RAB9A: variants seen among roughly 807,000 people sequenced by gnomAD.
RAB9A encodes ras-related protein Rab-9A.
RAB9A carries 1 observed loss-of-function variant against 10.3 expected under a neutral mutation model. The ratio of observed to expected loss-of-function variants is 0.10; its 90% confidence interval spans 0.03 to 0.46. RAB9A has a LOEUF of 0.46. Among genes scored for constraint, RAB9A ranks in the 20% least tolerant of loss-of-function variants. The pLI, the probability that RAB9A is intolerant of heterozygous loss-of-function variation, is 0.96. For synonymous variants in RAB9A, 39 were observed against 55.2 expected (o/e 0.71, Z 1.30); for missense variants, 92 against 150.3 (o/e 0.61, Z 2.03).
At chrX:13,701,478 G>T (rs1264956462) in intron 1 of RAB9A, among the ~76,000 whole-genome samples, 2 of 111,440 alleles carry the variant, frequency 1.8e-5, no homozygotes, top group East Asian at 5.6e-4. Flanking sequence ...GTATGGGTAT[G>T]CATTTTTTTG....
chrX:13,690,656 G>A (rs1224407152), intron 1 of RAB9A, among the ~76,000 whole-genome samples: 1 of 111,715 alleles, frequency 9.0e-6, no homozygotes, highest in Non-Finnish European at 1.9e-5. Context: ...GTACTCTGGA[G>A]GCCTAAAGAG....
At position 13,709,017 on chromosome X, in the gene RAB9A, G is replaced by A. The variant is rs766175704; in HGVS notation, c.271G>A (p.Asp91Asn). The stretch of plus-strand genomic sequence containing the variant: ...CTGCCTGCTTACTTTTAGTGTCGAT[G>A]ATTCACAAAGCTTCCAGAACTTAAG... ...DCCLLTFSVD[D>N]SQSFQNLSNW... The change falls in exon 3 of 3, where the codon GAT (aspartate) becomes AAT (asparagine). Residue 91 changes from aspartate to asparagine, a missense_variant. Coordinates refer to ENST00000464506, the MANE Select transcript of RAB9A (RefSeq NM_004251.5). 5.8e-6 allele frequency: 7 copies of A among 1,209,528 alleles called. No individual in the cohort carries two copies. Among genetic ancestry groups the A allele is most frequent in the Middle Eastern group, 4.6e-4 (2 of 4,375 alleles).
intron 2 of RAB9A, among the ~76,000 whole-genome samples, chrX:13,705,648 CT>C (rs2046194098): frequency 8.9e-6 from 1 of 111,876 alleles, no homozygotes; most frequent in Non-Finnish European, 1.9e-5. Flanking sequence ...TACAGTAAAA[CT>C]TTGTGTCTGG....
At chrX:13,706,967 A>G (rs2046200360) in intron 2 of RAB9A, among the ~76,000 whole-genome samples, 1 of 112,169 alleles carries the variant, frequency 8.9e-6, no homozygotes, top group Non-Finnish European at 1.9e-5. Flanking sequence ...CCTGGTCAAT[A>G]TAACAATTAT....
chrX:13,698,808 C>G (rs2046159762), intron 1 of RAB9A, among the ~76,000 whole-genome samples: 1 of 111,005 alleles, frequency 9.0e-6, no homozygotes, highest in Non-Finnish European at 1.9e-5. Flanking sequence ...AAATACAGCT[C>G]CAGCAAAAAT....
intron 1 of RAB9A, among the ~76,000 whole-genome samples, chrX:13,695,596 G>A (rs184853849): frequency 8.9e-6 from 1 of 112,494 alleles, no homozygotes; most frequent in East Asian, 2.8e-4. Context: ...TATTTCATGT[G>A]TGGCTGAATG....
At chrX:13,695,835 T>C (rs1326810657) in intron 1 of RAB9A, among the ~76,000 whole-genome samples, 1 of 111,308 alleles carries the variant, frequency 9.0e-6, no homozygotes, top group Non-Finnish European at 1.9e-5. Context: ...TCTCGTGAAA[T>C]AGCTTCATGA....
chrX:13,698,190 C>CTTTTTTTTTTTTTTTTTTTTTTTTTTTT (rs67802719), intron 1 of RAB9A, among the ~76,000 whole-genome samples: 2 of 38,351 alleles, frequency 5.2e-5, no homozygotes, highest in Non-Finnish European at 9.3e-5. Context: ...TCTTTTTTTT[C>CTTTTTTTTTTTTTTTTTTTTTTTTTTTT]TTTTTTTTTT....
At chrX:13,702,383 G>A (rs992280462) in intron 1 of RAB9A, among the ~76,000 whole-genome samples, 22 of 112,064 alleles carry the variant, frequency 2.0e-4, no homozygotes, top group African/African-American at 6.2e-4. Flanking sequence ...ATGGCAGCAC[G>A]TGGCTAAAAT....
chrX:13,694,278 G>C (rs2046138314), intron 1 of RAB9A, among the ~76,000 whole-genome samples: 1 of 112,028 alleles, frequency 8.9e-6, no homozygotes, highest in African/African-American at 3.2e-5. Context: ...GGTCTGTGCA[G>C]TTTCACACCT....
rs2146755996 is a variant in RAB9A at position 13,708,678 on chromosome X, G to A, written c.-26-43G>A. 5.6e-6 allele frequency: 6 copies of A among 1,067,805 alleles called. No individual in the cohort carries two copies. In the South Asian group the frequency reaches 1.1e-4, roughly 20 times the overall value. The allele number at this position is 1,067,805 out of a possible 1,213,427, so 88.0% of individuals were successfully genotyped here. A position where few individuals can be genotyped will look rare whatever the true frequency, so the allele number is the denominator to read the frequency against. On this transcript the variant is annotated intron_variant, in intron 2 of 2. Transcript: ENST00000464506. ...TATTCGTAGAATCATGTAGAAGAATGTGTAGGTATAAAGGAATGTAATGGT... is the reference window on the plus strand; with the variant it reads ...TATTCGTAGAATCATGTAGAAGAATATGTAGGTATAAAGGAATGTAATGGT...
Position 13,710,422 on chromosome X carries a change from A to G in RAB9A, c.*1070A>G, listed in dbSNP as rs140270034. 0.011 allele frequency: 1,351 copies of G among 123,573 alleles called. 17 individuals carry two copies. Among genetic ancestry groups the G allele is most frequent in the African/African-American group, 0.041 (1,278 of 30,870 alleles). 10.2% of individuals were successfully genotyped at this position (123,573 alleles called of 1,213,427 possible). A position where few individuals can be genotyped will look rare whatever the true frequency, so the allele number is the denominator to read the frequency against. ...ACTGAACATTTAGTGATTTGCTCTC[A>G]AGGAGATTTTTTGTTAGAAAAAGAC... On this transcript the variant is annotated 3_prime_UTR_variant, in exon 3 of 3. Transcript: ENST00000464506.
At chrX:13,707,568 C>G (rs2046203399) in intron 2 of RAB9A, among the ~76,000 whole-genome samples, 1 of 111,920 alleles carries the variant, frequency 8.9e-6, no homozygotes, top group Non-Finnish European at 1.9e-5. Context: ...TGAAATCTCA[C>G]CCCCCACAGG....
chrX:13,692,132 C>T (rs1006352746), intron 1 of RAB9A, among the ~76,000 whole-genome samples: 7 of 109,845 alleles, frequency 6.4e-5, no homozygotes, highest in African/African-American at 1.7e-4. Context: ...GTGAGACCCC[C>T]GTCTCTACAA....
At chrX:13,698,201 TTTTTTTTTTTTTG>T (rs1174793947) in intron 1 of RAB9A, among the ~76,000 whole-genome samples, 1 of 55,581 alleles carries the variant, frequency 1.8e-5, no homozygotes, top group African/African-American at 6.3e-5. Context: ...TTTTTTTTTT[TTTTTTTTTTTTTG>T]GCCCTTCTCA....
At chrX:13,700,867 G>T (rs1319761276) in intron 1 of RAB9A, among the ~76,000 whole-genome samples, 1 of 110,656 alleles carries the variant, frequency 9.0e-6, no homozygotes, top group Admixed American at 9.6e-5. Flanking sequence ...ACCTCCCCAG[G>T]CTCAGGTGAT....
intron 1 of RAB9A, among the ~76,000 whole-genome samples, chrX:13,695,751 C>T (rs1230951403): frequency 1.8e-5 from 2 of 111,546 alleles, no homozygotes; most frequent in African/African-American, 3.3e-5. Context: ...CTCAGACATG[C>T]GGATGTAGAC....
At chrX:13,693,119 A>G (rs992132093) in intron 1 of RAB9A, among the ~76,000 whole-genome samples, 10 of 112,360 alleles carry the variant, frequency 8.9e-5, no homozygotes, top group Non-Finnish European at 1.3e-4. Context: ...AGGAGATTAT[A>G]TGTCACAAAG....
At chrX:13,689,636 C>G (rs1446283971) in intron 1 of RAB9A, among the ~76,000 whole-genome samples, 2 of 111,898 alleles carry the variant, frequency 1.8e-5, no homozygotes, top group Admixed American at 9.4e-5. Flanking sequence ...CCCAACCACT[C>G]CGGGACACAC....
Sources: allele counts gnomAD v4.1 joint callset (sites outside exome capture counted in the v4.1 genomes callset), GRCh38; gene constraint gnomAD v4.1.1; transcripts MANE v1.5; gene names NCBI Gene and HGNC (gene_info 2026-07-23, HGNC 2026-07-21).